DCAF6: variants seen among roughly 807,000 people sequenced by gnomAD.
DCAF6 encodes the protein DDB1 and CUL4 associated factor 6, also known as DDB1- and CUL4-associated factor 6.
Under a neutral mutation model 125.1 loss-of-function variants are expected in DCAF6, and 54 were observed. The ratio of observed to expected loss-of-function variants is 0.43; its 90% CI spans 0.35 to 0.54. The LOEUF (loss-of-function observed/expected upper bound fraction) is 0.54, where lower values mean the gene tolerates loss of function less well. Among genes scored for constraint, DCAF6 ranks in the 20% least tolerant of loss-of-function variants. The pLI is 0.01. For synonymous variants in DCAF6, 371 were observed against 390.4 expected (o/e 0.95, Z 0.58); for missense variants, 934 against 1,161.7 (o/e 0.80, Z 2.85).
At chr1:167,977,367 C>A (rs2102913230) in intron 4 of DCAF6, among the ~76,000 whole-genome samples, 1 of 151,630 alleles carries the variant, frequency 6.6e-6, no homozygotes, top group African/African-American at 2.4e-5. Context: ...TTTTGCTGGG[C>A]ATGGATTTCA....
chr1:167,985,021 A>T (rs1679743402), intron 4 of DCAF6, among the ~76,000 whole-genome samples: 1 of 151,726 alleles, frequency 6.6e-6, no homozygotes, highest in Non-Finnish European at 1.5e-5. Flanking sequence ...GTGTGGAAAA[A>T]CTCCCATTTT....
the DCAF6 span, among the ~76,000 whole-genome samples, chr1:167,881,936 C>A: frequency 6.6e-6 from 1 of 152,202 alleles, no homozygotes; most frequent in African/African-American, 2.4e-5. Context: ...AGAGTTAGTT[C>A]GTCTCATATA....
At chr1:168,058,030 A>G (rs990244772) in intron 17 of DCAF6, among the ~76,000 whole-genome samples, 1 of 152,126 alleles carries the variant, frequency 6.6e-6, no homozygotes, top group Admixed American at 6.5e-5. Context: ...AAACATATAA[A>G]CATAAAGTTT....
chr1:168,041,892 GCGCACACACACACACACACACACACACA>G (rs1688583029), intron 13 of DCAF6, among the ~76,000 whole-genome samples: 1 of 119,754 alleles, frequency 8.4e-6, no homozygotes, highest in Non-Finnish European at 1.9e-5. Flanking sequence ...CATGTTTGTC[GCGCACACACACACACACACACACACACA>G]CACACACACA....
At chr1:167,993,165 T>C in intron 6 of DCAF6, 61 bp from the exon 7 acceptor site, 5 of 1,404,716 alleles carry the variant, frequency 3.6e-6, no homozygotes, top group Non-Finnish European at 4.9e-6. Context: ...ATTAAGAGTT[T>C]TAAAAAATGT....
At chr1:167,864,896 A>G in the DCAF6 span, among the ~76,000 whole-genome samples, 1 of 57,780 alleles carries the variant, frequency 1.7e-5, no homozygotes, top group African/African-American at 9.7e-5. Context: ...TGCTAACAGG[A>G]AAAAAAAAAA....
intron 1 of DCAF6, among the ~76,000 whole-genome samples, chr1:167,942,566 C>T (rs936335428): frequency 6.6e-6 from 1 of 152,102 alleles, no homozygotes; most frequent in African/African-American, 2.4e-5. Context: ...TTAACAGGTT[C>T]TTTTATAGTT....
intron 12 of DCAF6, among the ~76,000 whole-genome samples, chr1:168,037,606 C>A (rs943906991): frequency 6.6e-6 from 1 of 151,796 alleles, no homozygotes; most frequent in African/African-American, 2.4e-5. Flanking sequence ...GCTTTAAATA[C>A]TCTATTAATT....
At chr1:167,901,953 C>T in the DCAF6 span, 4 of 1,608,896 alleles carry the variant, frequency 2.5e-6, no homozygotes, top group South Asian at 4.4e-5. Flanking sequence ...TTGTCCCCAA[C>T]ACAGAAGCAC....
chr1:168,070,665 C>T lies in DCAF6; in HGVS notation c.2791+2202C>T, dbSNP rs529208936. Among the ~76,000 whole-genome samples the T allele has an allele frequency of 1.2e-3, 190 of 152,104 alleles. 1 individual carries two copies. The highest frequency in any genetic ancestry group is 7.1e-4 in the Non-Finnish European group (48 of 68,026). On this transcript the variant is annotated intron_variant, in intron 21 of 21. Transcript: ENST00000367840. ...AGCGTCTACATTTTTAAAAAGCAAC[C>T]AAAGTTAATCTCATGAATAATGCAC...
intron 2 of DCAF6, among the ~76,000 whole-genome samples, chr1:167,961,963 C>T (rs915078218): frequency 6.6e-6 from 1 of 152,004 alleles, no homozygotes; most frequent in South Asian, 2.1e-4. Flanking sequence ...CTTCTTTGAC[C>T]GATGTGTTAT....
At chr1:168,028,537 C>T (rs1017404328) in intron 12 of DCAF6, among the ~76,000 whole-genome samples, 3 of 152,090 alleles carry the variant, frequency 2.0e-5, no homozygotes, top group African/African-American at 7.2e-5. Context: ...GAAATATAAA[C>T]ACTAATTTGT....
chr1:167,992,280 C>CACACACAA (rs1557943172), intron 6 of DCAF6, among the ~76,000 whole-genome samples: 2 of 127,878 alleles, frequency 1.6e-5, no homozygotes, highest in African/African-American at 5.6e-5. Flanking sequence ...CACACACACA[C>CACACACAA]ACAAACACCG....
chr1:167,920,694 AAATCAAG>A, the DCAF6 span: 1 of 1,489,564 alleles, frequency 6.7e-7, no homozygotes, highest in Non-Finnish European at 9.1e-7. Flanking sequence ...TTTTAACTTT[AAATCAAG>A]CACAAGACAT....
At chr1:168,007,962 CTTT>C (rs35185748) in intron 10 of DCAF6, among the ~76,000 whole-genome samples, 1,186 of 67,468 alleles carry the variant, frequency 0.018, 34 homozygotes, top group African/African-American at 0.069. Context: ...TGTTGTACAT[CTTT>C]TTTTTTTTTT....
intron 13 of DCAF6, among the ~76,000 whole-genome samples, chr1:168,041,620 A>G (rs1354998362): frequency 6.6e-6 from 1 of 151,982 alleles, no homozygotes; most frequent in Non-Finnish European, 1.5e-5. Flanking sequence ...CCATTTATTG[A>G]ATAATCTTTT....
chr1:167,956,512 C>G (rs1196876763), intron 2 of DCAF6, among the ~76,000 whole-genome samples: 1 of 152,088 alleles, frequency 6.6e-6, no homozygotes, highest in Non-Finnish European at 1.5e-5. Context: ...GAACCAACCT[C>G]TGGTCTCATT....
intron 8 of DCAF6, among the ~76,000 whole-genome samples, chr1:168,003,466 CTG>C (rs1292137119): frequency 2.6e-5 from 4 of 152,146 alleles, no homozygotes; most frequent in African/African-American, 9.7e-5. Context: ...TATTTTGTGT[CTG>C]TACTTGATTA....
chr1:168,036,784 C>CT (rs1314971456), intron 12 of DCAF6, among the ~76,000 whole-genome samples: 7 of 152,256 alleles, frequency 4.6e-5, no homozygotes, highest in African/African-American at 1.4e-4. Flanking sequence ...AATACTAAAT[C>CT]TTTGACAGTT....
Sources: allele counts gnomAD v4.1 joint callset (sites outside exome capture counted in the v4.1 genomes callset), GRCh38; gene constraint gnomAD v4.1.1; transcripts MANE v1.5; gene names NCBI Gene and HGNC (gene_info 2026-07-23, HGNC 2026-07-21).